The following CYP46A1 variants were observed in gnomAD, a reference collection of about 807,000 sequenced individuals.
CYP46A1 encodes cholesterol 24-hydroxylase.
CYP46A1 carries 20 observed loss-of-function variants against 63.3 expected under a neutral mutation model. The ratio of observed to expected loss-of-function variants is 0.32; its 90% CI spans 0.22 to 0.46. The LOEUF (loss-of-function observed/expected upper bound fraction) is 0.46. Among genes scored for constraint, CYP46A1 ranks in the 20% least tolerant of loss-of-function variants. CYP46A1 has a pLI of 1.00. For synonymous variants in CYP46A1, 268 were observed against 273.6 expected, an observed-to-expected ratio of 0.98 and a Z score of 0.20; for missense variants, 445 against 670.8, an observed-to-expected ratio of 0.66 and a Z score of 3.72.
chr14:99,715,894 C>T lies in CYP46A1; in HGVS notation c.778C>T (p.Arg260Cys), dbSNP rs764924761. The change falls in exon 8 of 15, where the codon CGC (arginine) becomes TGC (cysteine). Residue 260 changes from arginine to cysteine, a missense_variant. This residue lies in a region of CYP46A1 where 252 missense variants were observed against 383.3 expected (regional missense o/e 0.66). Coordinates refer to ENST00000261835, the MANE Select transcript of CYP46A1 (RefSeq NM_006668.2). ...LRQVGRDWVQ[R>C]RREALKRGEE... ...CCAGGTGGGCAGGGACTGGGTCCAG[C>T]GCCGCCGGGAAGCCCTGAAGAGGGG... 1.5e-5 allele frequency: 25 copies of T among 1,613,630 alleles called. No homozygotes were observed. The highest frequency in any genetic ancestry group is 8.0e-5 in the African/African-American group (6 of 74,858).
At chr14:99,684,730 C>A in intron 1 of CYP46A1, 194 bp downstream of exon 1, 1 of 651,924 alleles carries the variant, frequency 1.5e-6, no homozygotes, top group Non-Finnish European at 2.8e-6. Flanking sequence ...GCTGGGCGCC[C>A]ACCGCGCACA....
chr14:99,691,372 TC>T (rs1278990448), intron 2 of CYP46A1: 10 of 601,612 alleles, frequency 1.7e-5, no homozygotes, highest in Non-Finnish European at 3.0e-5. Context: ...AGACCAGCCG[TC>T]AGAAGCTCTC....
At chr14:99,713,714 A>G (rs950195683) in intron 7 of CYP46A1, among the ~76,000 whole-genome samples, 8 of 152,008 alleles carry the variant, frequency 5.3e-5, no homozygotes, top group Non-Finnish European at 8.8e-5. Flanking sequence ...CCCTGTCTCT[A>G]CTAAAAATTC....
In CYP46A1 at chr14:99,727,278, C is replaced by T. The variant is rs1345272472; in HGVS notation, c.*551C>T. On this transcript the variant is annotated 3_prime_UTR_variant, in exon 15 of 15. Coordinates refer to ENST00000261835, the MANE Select transcript of CYP46A1 (RefSeq NM_006668.2). ...CCCAGGGCCCGGCACAGAGTCGATGCTCAATAAATGTGTGTTGACTGCATG... is the reference window on the plus strand; with the variant it reads ...CCCAGGGCCCGGCACAGAGTCGATGTTCAATAAATGTGTGTTGACTGCATG... 1.3e-5 allele frequency: 2 copies of T among 153,216 alleles called. No homozygotes were observed. The highest frequency in any genetic ancestry group is 4.8e-5 in the African/African-American group (2 of 41,492). The allele number at this position is 153,216 out of a possible 1,614,324, so 9.5% of individuals were successfully genotyped here. A position where few individuals can be genotyped will look rare whatever the true frequency, so the allele number is the denominator to read the frequency against.
chr14:99,690,867 T>C (rs2056537430), intron 1 of CYP46A1, among the ~76,000 whole-genome samples: 1 of 152,072 alleles, frequency 6.6e-6, no homozygotes, highest in African/African-American at 2.4e-5. Context: ...GAAAAAAAAC[T>C]GTTTCTTCTC....
chr14:99,684,815 G>A, intron 1 of CYP46A1: 1 of 537,580 alleles, frequency 1.9e-6, no homozygotes, highest in Admixed American at 2.3e-5. Context: ...GTTCAGACGA[G>A]GAGACTGAGG....
rs74852572 is a variant in CYP46A1, at chr14:99,695,334, T to C, written c.282+3473T>C. 2.2e-4 allele frequency: 68 copies of C among 314,560 alleles called. 2 individuals are homozygous for C. In the East Asian group the frequency reaches 6.3e-3, roughly 29 times the overall value. The allele number at this position is 314,560 out of a possible 1,614,324, so 19.5% of individuals were successfully genotyped here. A position where few individuals can be genotyped will look rare whatever the true frequency, so the allele number is the denominator to read the frequency against. ...GGTCAATAGTGTTATTCAAATCTTT[T>C]AAATCCTTTCTAATTTTCTGTCTAC... On this transcript the variant is annotated intron_variant, in intron 3 of 14. Transcript: ENST00000261835.
chr14:99,712,186 A>C lies in CYP46A1; in HGVS notation c.694-3624A>C, dbSNP rs1463108601. The C allele has an allele frequency of 2.0e-5, 3 of 152,340 alleles. No homozygotes were observed. In the South Asian group the frequency reaches 6.2e-4, roughly 32 times the overall value. The allele number at this position is 152,340 out of a possible 1,614,324, so 9.4% of individuals were successfully genotyped here. A position where few individuals can be genotyped will look rare whatever the true frequency, so the allele number is the denominator to read the frequency against. ...TATACCCACAGCTAACATCATACTTAGTGGGGAAAAGCTAAAAGTCTTTCC... is the reference window on the plus strand; with the variant it reads ...TATACCCACAGCTAACATCATACTTCGTGGGGAAAAGCTAAAAGTCTTTCC... On this transcript the variant is annotated intron_variant, in intron 7 of 14. Coordinates refer to ENST00000261835, the MANE Select transcript of CYP46A1 (RefSeq NM_006668.2).
intron 2 of CYP46A1, 32 bp downstream of exon 2, chr14:99,691,193 C>A: frequency 3.1e-6 from 5 of 1,610,266 alleles, no homozygotes; most frequent in Non-Finnish European, 4.2e-6. Context: ...GTTGCCCTTA[C>A]TCCAGGTTCC....
rs777280375 is a variant in CYP46A1 at position 99,726,756 on chromosome 14, C to T, written c.*29C>T. 175 of 1,474,414 alleles carry T rather than the reference C, an allele frequency of 1.2e-4. No individual in the cohort carries two copies. The highest frequency in any genetic ancestry group is 2.4e-4 in the Middle Eastern group (1 of 4,210). 91.3% of individuals were successfully genotyped at this position (1,474,414 alleles called of 1,614,324 possible). A position where few individuals can be genotyped will look rare whatever the true frequency, so the allele number is the denominator to read the frequency against. ...GGCCTCCAGGCAGGACGAGACTCCTCGGGCAAGGGCCGTGCCCGCCCACCT... is the reference window on the plus strand; with the variant it reads ...GGCCTCCAGGCAGGACGAGACTCCTTGGGCAAGGGCCGTGCCCGCCCACCT... On this transcript the variant is annotated 3_prime_UTR_variant, in exon 15 of 15. Transcript: ENST00000261835.
At position 99,725,349 on chromosome 14, in the gene CYP46A1, A is replaced by T. The variant is rs753247085; in HGVS notation, c.1177-42A>T. 23 of 1,569,088 alleles carry T rather than the reference A, an allele frequency of 1.5e-5. No homozygotes were observed. Among genetic ancestry groups the T allele is most frequent in the Non-Finnish European group, 1.9e-5 (22 of 1,139,802 alleles). On this transcript the variant is annotated intron_variant, in intron 12 of 14. Coordinates refer to ENST00000261835, the MANE Select transcript of CYP46A1 (RefSeq NM_006668.2). This position sits in a 1 kb window ranked among gnomAD's most constrained non-coding sequence, Gnocchi z 4.2. ...TCAGTGGCTCAAGAGGTGCCAGGGG[A>T]ACAACCTGGGAACCAGAGATGAGCG...
intron 5 of CYP46A1, among the ~76,000 whole-genome samples, chr14:99,701,438 T>C (rs899742142): frequency 2.0e-5 from 3 of 152,228 alleles, no homozygotes; most frequent in African/African-American, 7.2e-5. Context: ...AATACCATTG[T>C]GTTGCAGTAA....
At chr14:99,685,792 C>T (rs557380762) in intron 1 of CYP46A1, among the ~76,000 whole-genome samples, 15 of 151,970 alleles carry the variant, frequency 9.9e-5, no homozygotes. Flanking sequence ...CCTGTTCTCC[C>T]TGCTGGCTCT....
At chr14:99,721,934 T>A (rs1242310340) in intron 11 of CYP46A1, 22 bp from the exon 12 acceptor site, 1 of 1,593,206 alleles carries the variant, frequency 6.3e-7, no homozygotes, top group South Asian at 1.1e-5. Flanking sequence ...CTCCTTGTTA[T>A]CTCCCCTTGT....
intron 5 of CYP46A1, among the ~76,000 whole-genome samples, chr14:99,702,099 A>C (rs1030225280): frequency 6.7e-6 from 1 of 149,760 alleles, no homozygotes; most frequent in African/African-American, 2.5e-5. Flanking sequence ...AAAGGCAGTC[A>C]TTCCTCATTT....
chr14:99,694,458 T>C (rs959402741), intron 3 of CYP46A1, among the ~76,000 whole-genome samples: 1 of 151,484 alleles, frequency 6.6e-6, no homozygotes, highest in Non-Finnish European at 1.5e-5. Context: ...GTTTTATTGG[T>C]TTCCTTCATT....
chr14:99,711,064 GT>G (rs1186851086), intron 7 of CYP46A1: 1 of 152,030 alleles, frequency 6.6e-6, no homozygotes. Flanking sequence ...TGACCACTGG[GT>G]CAATGAAGAA....
At chr14:99,704,513 T>C (rs993000585) in intron 5 of CYP46A1, among the ~76,000 whole-genome samples, 4 of 152,220 alleles carry the variant, frequency 2.6e-5, no homozygotes, top group African/African-American at 7.2e-5. Context: ...AGTTTCTACT[T>C]TTCCAGATTT....
At chr14:99,695,294 C>T (rs2140116475) in intron 3 of CYP46A1, 4 of 205,278 alleles carry the variant, frequency 1.9e-5, no homozygotes, top group African/African-American at 4.7e-5. Context: ...TTAGAAATGT[C>T]GATTAGGTCA....
Sources: gnomAD v4.1 joint callset for allele counts (sites outside exome capture counted in the v4.1 genomes callset) on GRCh38, gnomAD v4.1.1 for gene constraint, gnomAD v4.1.1 regional missense constraint, Gnocchi (gnomAD v3.1) non-coding constraint, MANE v1.5 for transcripts, NCBI Gene and HGNC (gene_info 2026-07-23, HGNC 2026-07-21) for gene names.